COPZ1: variants seen among roughly 807,000 people sequenced by gnomAD.
COPZ1 encodes coatomer subunit zeta-1.
COPZ1 carries 4 observed loss-of-function variants against 31.7 expected under a neutral mutation model. The observed-to-expected ratio is 0.13, with a 90% CI of 0.06 to 0.29. COPZ1 has a LOEUF of 0.29. Among genes scored for constraint, COPZ1 ranks in the 10% least tolerant of loss-of-function variants. The pLI is 1.00. For missense variants in COPZ1, 156 were observed against 211.5 expected, an observed-to-expected ratio of 0.74 and a Z score of 1.63; for synonymous variants, 74 against 79.0, an observed-to-expected ratio of 0.94 and a Z score of 0.33.
chr12:54,325,396 G>A (rs2137077868), intron 1 of COPZ1: 1 of 618,890 alleles, frequency 1.6e-6, no homozygotes, highest in Non-Finnish European at 2.8e-6. Context: ...AGAGTCGGTG[G>A]AAAGTTGAAG....
chr12:54,348,276 A>T, intron 7 of COPZ1: 1 of 543,528 alleles, frequency 1.8e-6, no homozygotes, highest in Non-Finnish European at 3.3e-6. Context: ...AACATCTCAT[A>T]CAGTCTTTGC....
intron 1 of COPZ1, among the ~76,000 whole-genome samples, chr12:54,335,967 T>G (rs1483481577): frequency 6.6e-6 from 1 of 152,148 alleles, no homozygotes; most frequent in Non-Finnish European, 1.5e-5. Context: ...CATGAGCCAC[T>G]GCGCCTGGCC....
intron 8 of COPZ1, chr12:54,350,147 C>G: frequency 3.1e-6 from 2 of 655,352 alleles, no homozygotes; most frequent in Admixed American, 2.4e-5. Flanking sequence ...ACTTGGAATT[C>G]TCACCAAGAA....
chr12:54,347,174 G>A (rs1458781770), intron 5 of COPZ1, among the ~76,000 whole-genome samples: 2 of 152,106 alleles, frequency 1.3e-5, no homozygotes, highest in East Asian at 1.9e-4. Context: ...TAATTCATTC[G>A]GGTAATCTAG....
chr12:54,340,703 G>A lies in COPZ1; in HGVS notation c.87+88G>A, dbSNP rs1485489987. On this transcript the variant is annotated intron_variant, in intron 2 of 8. Coordinates refer to ENST00000262061, the MANE Select transcript of COPZ1 (RefSeq NM_016057.3). The stretch of plus-strand genomic sequence containing the variant: ...TGGGACTGATACCTTATTAACTTAT[G>A]TTCCTCAGTAGTATAATTTTGAGAA... 6.1e-6 allele frequency: 8 copies of A among 1,314,172 alleles called. No homozygotes were observed. In the East Asian group the frequency reaches 1.4e-4, roughly 23 times the overall value. The allele number at this position is 1,314,172 out of a possible 1,614,324, so 81.4% of individuals were successfully genotyped here.
chr12:54,336,884 T>TG (rs1428457568), intron 1 of COPZ1, among the ~76,000 whole-genome samples: 2 of 151,782 alleles, frequency 1.3e-5, no homozygotes, highest in African/African-American at 4.8e-5. Flanking sequence ...TAGCTGGGCA[T>TG]GGGGGTGTGT....
chr12:54,334,923 T>A (rs1953830308), intron 1 of COPZ1, among the ~76,000 whole-genome samples: 1 of 151,664 alleles, frequency 6.6e-6, no homozygotes, highest in Admixed American at 6.6e-5. Context: ...CCTGTAATAT[T>A]AGCATGTTGG....
At position 54,343,243 on chromosome 12, in the gene COPZ1, A is replaced by G. The variant is rs1351519009; in HGVS notation, c.188A>G (p.Glu63Gly). The G allele has an allele frequency of 6.2e-7, 1 of 1,614,024 alleles. No homozygotes were observed. Among genetic ancestry groups the G allele is most frequent in the Non-Finnish European group, 8.5e-7 (1 of 1,179,906 alleles). The change falls in exon 4 of 9, where the codon GAA becomes GGA. Residue 63 changes from glutamate (E) to glycine (G), a missense_variant. Coordinates refer to ENST00000262061, the MANE Select transcript of COPZ1 (RefSeq NM_016057.3). ...HRTDSEIALLEGLTVVYKSSI... is the reference protein window; with the variant it reads ...HRTDSEIALLGGLTVVYKSSI... ...CCACCAGGTGAAATTGCCCTCTTGG[A>G]AGGCCTGACAGTGGTATACAAAAGC...
At chr12:54,339,989 G>A (rs1413097276) in intron 1 of COPZ1, among the ~76,000 whole-genome samples, 1 of 114,234 alleles carries the variant, frequency 8.8e-6, no homozygotes, top group Admixed American at 1.0e-4. Flanking sequence ...GCGTGTGTGT[G>A]TGTGTGTGTG....
At chr12:54,345,772 AT>A (rs1954050805) in intron 5 of COPZ1, among the ~76,000 whole-genome samples, 1 of 151,992 alleles carries the variant, frequency 6.6e-6, no homozygotes, top group Admixed American at 6.6e-5. Context: ...CCTGGTTAAC[AT>A]GGGGAAACCC....
intron 1 of COPZ1, among the ~76,000 whole-genome samples, chr12:54,329,586 A>C (rs1191981161): frequency 6.6e-6 from 1 of 152,200 alleles, no homozygotes; most frequent in African/African-American, 2.4e-5. Flanking sequence ...CTTAAAAAAC[A>C]AACAAAACTG....
In COPZ1 at chr12:54,343,294, T is replaced by C. The variant is rs769027400; in HGVS notation, c.239T>C (p.Ile80Thr). Reference protein sequence around the residue: ...KSSIDLYFYVIGSSYENELML... With the variant: ...KSSIDLYFYVTGSSYENELML... ...AGTATAGATCTCTATTTCTATGTGA[T>C]TGGCAGCTCCTATGAAAATGAGGTG... Residue 80 changes from isoleucine (I) to threonine (T), a missense_variant, in exon 4 of 9, where the codon ATT becomes ACT. Transcript: ENST00000262061. 2 of 1,613,858 alleles carry C rather than the reference T, an allele frequency of 1.2e-6. No homozygotes were observed. Among genetic ancestry groups the C allele is most frequent in the East Asian group, 2.2e-5 (1 of 44,894 alleles).
intron 3 of COPZ1, chr12:54,342,666 T>G: frequency 4.4e-6 from 1 of 228,474 alleles, no homozygotes; most frequent in Non-Finnish European, 8.7e-6. Flanking sequence ...AGTAGGGAAA[T>G]AGGTATAGTG....
At chr12:54,334,373 A>G (rs562489336) in intron 1 of COPZ1, among the ~76,000 whole-genome samples, 1 of 152,134 alleles carries the variant, frequency 6.6e-6, no homozygotes, top group South Asian at 2.1e-4. Flanking sequence ...GTGAGCCAAG[A>G]TCACGCCACT....
At chr12:54,342,889 C>G (rs1953998647) in intron 3 of COPZ1, among the ~76,000 whole-genome samples, 1 of 136,038 alleles carries the variant, frequency 7.4e-6, no homozygotes, top group South Asian at 2.3e-4. Flanking sequence ...CAGAGTCTCT[C>G]TCTGTCACCC....
At chr12:54,350,147 C>T (rs1277665478) in intron 8 of COPZ1, 9 of 655,240 alleles carry the variant, frequency 1.4e-5, no homozygotes, top group Non-Finnish European at 2.5e-5. Flanking sequence ...ACTTGGAATT[C>T]TCACCAAGAA....
chr12:54,348,535 G>A (rs1592212053), intron 7 of COPZ1, among the ~76,000 whole-genome samples: 1 of 151,990 alleles, frequency 6.6e-6, no homozygotes, highest in South Asian at 2.1e-4. Flanking sequence ...TCAGGAGTTC[G>A]AGACCAGCCT....
At chr12:54,333,876 T>C (rs933528116) in intron 1 of COPZ1, among the ~76,000 whole-genome samples, 1 of 152,158 alleles carries the variant, frequency 6.6e-6, no homozygotes, top group South Asian at 2.1e-4. Context: ...GGTAGTGTTC[T>C]GTGGTACCAG....
intron 2 of COPZ1, among the ~76,000 whole-genome samples, chr12:54,340,818 G>A (rs1198494343): frequency 2.0e-5 from 3 of 151,884 alleles, no homozygotes; most frequent in Non-Finnish European, 2.9e-5. Flanking sequence ...TGCAGCCTCA[G>A]CCTCCCAAGT....
Sources: allele counts gnomAD v4.1 joint callset (sites outside exome capture counted in the v4.1 genomes callset), GRCh38; gene constraint gnomAD v4.1.1; transcripts MANE v1.5; gene names NCBI Gene and HGNC (gene_info 2026-07-23, HGNC 2026-07-21).